The following PLCL1 variants were observed in gnomAD, a reference collection of about 807,000 sequenced individuals.
PLCL1 encodes inactive phospholipase C-like protein 1.
A neutral mutation model predicts 84.4 loss-of-function variants in PLCL1; 41 were observed. That is an observed-to-expected ratio of 0.49 (90% CI 0.38 to 0.63). PLCL1 has a LOEUF of 0.63. Ranked by LOEUF, PLCL1 falls within the 30% of genes least tolerant of loss-of-function variation. PLCL1 has a pLI of 0.00. For missense variants in PLCL1, 1,206 were observed against 1,367.8 expected (o/e 0.88, Z 1.87); for synonymous variants, 490 against 488.3 (o/e 1.00, Z -0.05).
At chr2:198,127,090 T>C (rs1694007216) in intron 5 of PLCL1, among the ~76,000 whole-genome samples, 1 of 152,054 alleles carries the variant, frequency 6.6e-6, no homozygotes, top group South Asian at 2.1e-4. Context: ...CCATGTTATT[T>C]CTGATGTTAG....
chr2:197,982,238 A>G (rs1486762218), intron 1 of PLCL1, among the ~76,000 whole-genome samples: 1 of 151,500 alleles, frequency 6.6e-6, no homozygotes, highest in Non-Finnish European at 1.5e-5. Flanking sequence ...TGAAAGTCTA[A>G]AATTGGAACA....
At chr2:198,090,828 G>A (rs192222824) in intron 3 of PLCL1, among the ~76,000 whole-genome samples, 12 of 152,274 alleles carry the variant, frequency 7.9e-5, no homozygotes, top group African/African-American at 2.9e-4. Flanking sequence ...TGGCCAGGGA[G>A]GTCCCTGAAG....
intron 1 of PLCL1, among the ~76,000 whole-genome samples, chr2:198,015,397 A>G (rs1690973249): frequency 6.6e-6 from 1 of 152,174 alleles, no homozygotes; most frequent in Non-Finnish European, 1.5e-5. Flanking sequence ...CCACACTTTT[A>G]TTTTGTTTTT....
chr2:198,109,674 G>T (rs1172092066), intron 5 of PLCL1, among the ~76,000 whole-genome samples: 1 of 151,818 alleles, frequency 6.6e-6, no homozygotes, highest in African/African-American at 2.4e-5. Context: ...TTCATCTAAA[G>T]TCTTGAACTC....
intron 1 of PLCL1, among the ~76,000 whole-genome samples, chr2:197,806,707 A>G (rs1690493447): frequency 6.6e-6 from 1 of 152,332 alleles, no homozygotes; most frequent in East Asian, 1.9e-4. Context: ...ACTGTTTTCA[A>G]ACTTAAAAAA....
chr2:197,993,849 T>C (rs1390767469), intron 1 of PLCL1, among the ~76,000 whole-genome samples: 2 of 152,180 alleles, frequency 1.3e-5, no homozygotes. Context: ...TAGAGCAGGA[T>C]AGTAACAGGT....
intron 5 of PLCL1, among the ~76,000 whole-genome samples, chr2:198,145,354 A>G (rs1028442399): frequency 1.6e-4 from 24 of 152,180 alleles, no homozygotes; most frequent in African/African-American, 5.8e-4. Context: ...TCTAATCTCT[A>G]GTCTTTAGTC....
chr2:197,961,573 T>C (rs141496944), intron 1 of PLCL1, among the ~76,000 whole-genome samples: 201 of 152,156 alleles, frequency 1.3e-3, no homozygotes, highest in African/African-American at 4.3e-3. Flanking sequence ...GGAATAACCT[T>C]AGTAAAGGAC....
rs1331766816 is a variant in PLCL1 at position 198,084,285 on chromosome 2, T to C, written c.768T>C (p.Asn256=). 2 of 1,614,088 alleles carry C rather than the reference T, an allele frequency of 1.2e-6. No homozygotes were observed. Among genetic ancestry groups the C allele is most frequent in the Non-Finnish European group, 1.7e-6 (2 of 1,179,996 alleles). Residue 256 remains asparagine (N), a synonymous_variant, in exon 2 of 6, where the codon AAT becomes AAC. Transcript: ENST00000428675. ...TVFEAADVDG[N]GIMLEDTSVE... ...TTGAAGCAGCAGATGTTGATGGGAA[T>C]GGGATTATGTTGGAAGACACCTCTG...
intron 1 of PLCL1, among the ~76,000 whole-genome samples, chr2:197,857,555 C>T (rs143037108): frequency 2.2e-3 from 340 of 152,216 alleles, no homozygotes; most frequent in African/African-American, 7.8e-3. Flanking sequence ...TCCTTGCAAA[C>T]AAGCAGTCTA....
Position 198,130,583 on chromosome 2 carries a change from C to T in PLCL1, c.3106-16197C>T, listed in dbSNP as rs188703297. 3.5e-4 allele frequency among the ~76,000 whole-genome samples: 54 copies of T among 152,190 alleles called. 1 individual carries two copies. Among genetic ancestry groups the T allele is most frequent in the East Asian group, 9.7e-4 (5 of 5,146 alleles). On this transcript the variant is annotated intron_variant, in intron 5 of 5. Transcript: ENST00000428675. ...GGAGGTCACTCAGCCACAGCAAGGT[C>T]GGCATGTCTCCAGCTGTGCTTATCC...
intron 1 of PLCL1, among the ~76,000 whole-genome samples, chr2:197,832,410 A>G (rs949418958): frequency 1.3e-5 from 2 of 152,228 alleles, no homozygotes; most frequent in Non-Finnish European, 2.9e-5. Context: ...TCTAGAAGAA[A>G]TACGTAAATT....
chr2:197,847,304 A>G (rs1687137814), intron 1 of PLCL1, among the ~76,000 whole-genome samples: 2 of 152,188 alleles, frequency 1.3e-5, no homozygotes, highest in African/African-American at 2.4e-5. Flanking sequence ...AAGTTTAACA[A>G]TATGAAAGAA....
rs1694013472 is a variant in PLCL1 at position 198,127,367 on chromosome 2, CA to C, written c.3106-19412del. Among the ~76,000 whole-genome samples the C allele has an allele frequency of 2.6e-5, 4 of 152,166 alleles. No individual in the cohort carries two copies. The South Asian group carries it at 8.3e-4, about 32-fold the overall frequency. ...GTTGTGTATATTAAAATTTTCCAAA[CA>C]GTAAGTATAAAGATACTGTCTTATA... On this transcript the variant is annotated intron_variant, in intron 5 of 5. Coordinates refer to ENST00000428675, the MANE Select transcript of PLCL1 (RefSeq NM_006226.4).
At chr2:198,112,511 A>T (rs973036856) in intron 5 of PLCL1, among the ~76,000 whole-genome samples, 4 of 151,818 alleles carry the variant, frequency 2.6e-5, no homozygotes, top group East Asian at 3.9e-4. Flanking sequence ...TACTCCTTTC[A>T]TATTCCTTCC....
At chr2:198,081,150 G>C (rs1692706762) in intron 1 of PLCL1, among the ~76,000 whole-genome samples, 1 of 152,170 alleles carries the variant, frequency 6.6e-6, no homozygotes, top group Admixed American at 6.5e-5. Context: ...TTCATTTAGA[G>C]TAGCATTAAT....
intron 5 of PLCL1, among the ~76,000 whole-genome samples, chr2:198,113,543 G>A (rs370234506): frequency 2.4e-4 from 37 of 151,832 alleles, no homozygotes; most frequent in African/African-American, 8.7e-4. Flanking sequence ...AGTGTGCAAT[G>A]GGATTTGACC....
intron 1 of PLCL1, among the ~76,000 whole-genome samples, chr2:197,926,230 A>G (rs575119000): frequency 9.8e-5 from 15 of 152,338 alleles, no homozygotes; most frequent in African/African-American, 3.6e-4. Context: ...GGGAGAGGTC[A>G]GAGTTACCCT....
At chr2:198,002,853 A>G (rs1391248995) in intron 1 of PLCL1, among the ~76,000 whole-genome samples, 1 of 152,144 alleles carries the variant, frequency 6.6e-6, no homozygotes, top group Non-Finnish European at 1.5e-5. Context: ...ATTCTGAGTG[A>G]GCATCTGTTT....
Sources: gnomAD v4.1 joint callset for allele counts (sites outside exome capture counted in the v4.1 genomes callset) on GRCh38, gnomAD v4.1.1 for gene constraint, MANE v1.5 for transcripts, NCBI Gene and HGNC (gene_info 2026-07-23, HGNC 2026-07-21) for gene names.